The following RIMS2 variants were observed in gnomAD, a reference collection of about 807,000 sequenced individuals.
RIMS2 encodes regulating synaptic membrane exocytosis protein 2.
In RIMS2, 59 loss-of-function variants were observed where a neutral mutation model predicts 174.4. That is an observed-to-expected ratio of 0.34 (90% confidence interval 0.27 to 0.42). The LOEUF is 0.42. Ranked by LOEUF, RIMS2 falls within the 10% of genes least tolerant of loss-of-function variation. RIMS2 has a pLI of 1.00. For missense variants in RIMS2, 1,620 were observed against 1,666.3 expected (o/e 0.97, Z 0.48); for synonymous variants, 606 against 572.5 (o/e 1.06, Z -0.84).
intron 19 of RIMS2, among the ~76,000 whole-genome samples, chr8:104,163,557 C>T (rs1157674025): frequency 2.0e-5 from 3 of 152,122 alleles, no homozygotes; most frequent in Non-Finnish European, 4.4e-5. Flanking sequence ...GATTTAAAAT[C>T]AACCGTGTAG....
At chr8:103,602,984 T>C (rs542872956) in intron 1 of RIMS2, among the ~76,000 whole-genome samples, 6 of 152,252 alleles carry the variant, frequency 3.9e-5, no homozygotes, top group Admixed American at 3.9e-4. Context: ...TTTTTTGACT[T>C]TTTTATTTTT....
chr8:103,938,160 T>C (rs1369536714), intron 13 of RIMS2, among the ~76,000 whole-genome samples: 4 of 152,176 alleles, frequency 2.6e-5, no homozygotes, highest in Non-Finnish European at 5.9e-5. Flanking sequence ...TGGGAAGCAA[T>C]TATCCAGCTA....
chr8:104,235,785 A>C (rs768564837), intron 19 of RIMS2, among the ~76,000 whole-genome samples: 16 of 151,990 alleles, frequency 1.1e-4, no homozygotes, highest in Non-Finnish European at 2.1e-4. Flanking sequence ...ATACATCTCA[A>C]ATTTTTAAAA....
chr8:104,145,266 T>G (rs1245211694), intron 19 of RIMS2, among the ~76,000 whole-genome samples: 1 of 152,170 alleles, frequency 6.6e-6, no homozygotes, highest in African/African-American at 2.4e-5. Context: ...TTTTTAAAGC[T>G]TTTGACATAT....
chr8:103,649,118 C>A (rs900817846), intron 1 of RIMS2, among the ~76,000 whole-genome samples: 1 of 152,110 alleles, frequency 6.6e-6, no homozygotes, highest in African/African-American at 2.4e-5. Flanking sequence ...TTCAGGAGCT[C>A]TTGCAAGGCA....
At chr8:104,198,987 A>G (rs979494139) in intron 19 of RIMS2, among the ~76,000 whole-genome samples, 1 of 152,238 alleles carries the variant, frequency 6.6e-6, no homozygotes, top group Non-Finnish European at 1.5e-5. Context: ...TTGGACAAAG[A>G]ATAGTAAACT....
In RIMS2 at chr8:103,946,443, A is replaced by G. The variant is rs2083793856; in HGVS notation, c.2701+3517A>G. Among the ~76,000 whole-genome samples, 3 of 152,058 alleles carry G rather than the reference A, an allele frequency of 2.0e-5. No homozygotes were observed. The South Asian group carries it at 6.2e-4, about 32-fold the overall frequency. ...GGAGGCAGAAGTTGCAGTGAGCCAA[A>G]ATCATGCCACTGCACTCCAGCCTGG... is the stretch of plus-strand genomic sequence containing the variant. On this transcript the variant is annotated intron_variant, in intron 14 of 23. Coordinates refer to ENST00000504942, the Ensembl canonical transcript of RIMS2.
chr8:103,529,230 C>T (rs4483117), intron 1 of RIMS2, among the ~76,000 whole-genome samples: 18,885 of 145,976 alleles, frequency 0.13, 1,271 homozygotes, highest in Middle Eastern at 0.23. Flanking sequence ...GTGATTTTTG[C>T]ACATTGATTT....
At chr8:104,083,482 A>G (rs1012137174) in intron 19 of RIMS2, among the ~76,000 whole-genome samples, 1 of 152,180 alleles carries the variant, frequency 6.6e-6, no homozygotes, top group African/African-American at 2.4e-5. Context: ...TTAGATAAAT[A>G]TTCTTTAAAC....
chr8:103,865,281 T>C (rs1336090895), intron 3 of RIMS2, among the ~76,000 whole-genome samples: 1 of 124,990 alleles, frequency 8.0e-6, no homozygotes, highest in Non-Finnish European at 1.7e-5. Flanking sequence ...TGTCAGTTTT[T>C]TTCTTTTTTT....
At chr8:103,675,059 C>T (rs902495138) in intron 1 of RIMS2, among the ~76,000 whole-genome samples, 48 of 152,222 alleles carry the variant, frequency 3.2e-4, no homozygotes, top group African/African-American at 1.1e-3. Flanking sequence ...TACAGGCACT[C>T]GCCACCATGG....
chr8:103,626,293 C>T (rs989503907), intron 1 of RIMS2, among the ~76,000 whole-genome samples: 1 of 152,110 alleles, frequency 6.6e-6, no homozygotes, highest in Middle Eastern at 3.2e-3. Flanking sequence ...CTGTCAACCT[C>T]TTCTGTTACC....
chr8:104,004,088 G>A (rs1445586501), intron 17 of RIMS2, among the ~76,000 whole-genome samples: 1 of 152,130 alleles, frequency 6.6e-6, no homozygotes, highest in Non-Finnish European at 1.5e-5. Flanking sequence ...ATCAGTTTAG[G>A]TGTGAGACAA....
intron 19 of RIMS2, among the ~76,000 whole-genome samples, chr8:104,158,462 G>A (rs901716840): frequency 6.6e-6 from 1 of 152,252 alleles, no homozygotes; most frequent in Non-Finnish European, 1.5e-5. Flanking sequence ...AGATCCTTGA[G>A]GAATCGCCAC....
At chr8:104,251,611 T>C in exon 24 of RIMS2, 1 of 1,591,658 alleles carries the variant, frequency 6.3e-7, no homozygotes, top group African/African-American at 1.3e-5. Flanking sequence ...GATCATCGTC[T>C]GGGGAGATTA....
intron 2 of RIMS2, among the ~76,000 whole-genome samples, chr8:103,757,914 C>T (rs1202384592): frequency 1.3e-5 from 2 of 152,140 alleles, no homozygotes; most frequent in East Asian, 3.9e-4. Flanking sequence ...ACTGGTTTTC[C>T]CTAGAGCCTT....
intron 1 of RIMS2, among the ~76,000 whole-genome samples, chr8:103,604,376 G>T (rs2094935480): frequency 6.6e-6 from 1 of 152,186 alleles, no homozygotes; most frequent in Non-Finnish European, 1.5e-5. Flanking sequence ...TTTGGTACCA[G>T]TACCATGCTG....
At chr8:103,785,431 T>G (rs1226590739) in intron 3 of RIMS2, among the ~76,000 whole-genome samples, 1 of 151,886 alleles carries the variant, frequency 6.6e-6, no homozygotes, top group African/African-American at 2.4e-5. Context: ...CTTCTTATTT[T>G]GAGATACATC....
chr8:103,569,297 C>A (rs939154760), intron 1 of RIMS2, among the ~76,000 whole-genome samples: 2 of 152,004 alleles, frequency 1.3e-5, no homozygotes, highest in African/African-American at 4.8e-5. Context: ...ACTATTCTTT[C>A]TCTACTGAAT....
Sources: gnomAD v4.1 joint callset for allele counts (sites outside exome capture counted in the v4.1 genomes callset) on GRCh38, gnomAD v4.1.1 for gene constraint, MANE v1.5 for transcripts, NCBI Gene and HGNC (gene_info 2026-07-23, HGNC 2026-07-21) for gene names.